Variants in RANGAP1 observed in about 807,000 individuals in gnomAD.
RANGAP1 encodes the protein ran GTPase-activating protein 1.
RANGAP1 carries 38 observed loss-of-function variants against 63.5 expected under a neutral mutation model. The ratio of observed to expected loss-of-function variants is 0.60; its 90% confidence interval spans 0.46 to 0.78. The LOEUF is 0.78. Among genes scored for constraint, RANGAP1 ranks in the 30% least tolerant of loss-of-function variants. The pLI, the probability that RANGAP1 is intolerant of heterozygous loss-of-function variation, is 0.00. For synonymous variants in RANGAP1, 329 were observed against 310.5 expected, an observed-to-expected ratio of 1.06 and a Z score of -0.63; for missense variants, 630 against 740.3, an observed-to-expected ratio of 0.85 and a Z score of 1.73.
At chr22:41,276,657 A>G (rs979240519) in intron 2 of RANGAP1, among the ~76,000 whole-genome samples, 2 of 150,906 alleles carry the variant, frequency 1.3e-5, no homozygotes, top group Non-Finnish European at 2.9e-5. Context: ...AAACAAAACA[A>G]AATGAACTCA....
Position 41,251,075 on chromosome 22 carries a change from G to C in RANGAP1, c.1415C>G (p.Ala472Gly). Reference sequence around the variant, plus strand: ...GAACACAGATGACACCTTTAGGAAGGCAGAGACCACCTTCTCGGGGTCAGA... The same window carrying C: ...GAACACAGATGACACCTTTAGGAAGCCAGAGACCACCTTCTCGGGGTCAGA... ...DTSDPEKVVSAFLKVSSVFKD... is the reference protein window; with the variant it reads ...DTSDPEKVVSGFLKVSSVFKD... Residue 472 changes from alanine to glycine, a missense_variant, in exon 13 of 16, where the codon GCC becomes GGC. By Grantham distance (60) the Ala-to-Gly change is moderately conservative. Around this residue, in one of 3 missense-constraint regions of RANGAP1, gnomAD observed 428 missense variants for 465.5 expected, o/e 0.92. Transcript: ENST00000356244. 6.2e-7 allele frequency: 1 copy of C among 1,614,094 alleles called. No homozygotes were observed. Among genetic ancestry groups the C allele is most frequent in the South Asian group, 1.1e-5 (1 of 91,082 alleles).
chr22:41,268,644 A>G (rs181661144), intron 3 of RANGAP1, among the ~76,000 whole-genome samples: 1 of 152,314 alleles, frequency 6.6e-6, no homozygotes, highest in Admixed American at 6.5e-5. Flanking sequence ...TCAAATCAAG[A>G]GGCCTCCAAG....
chr22:41,270,120 C>A (rs2034714999), intron 3 of RANGAP1, among the ~76,000 whole-genome samples: 1 of 150,618 alleles, frequency 6.6e-6, no homozygotes, highest in Admixed American at 6.6e-5. Context: ...CAGGCGTGAG[C>A]CACCGTGCCC....
At chr22:41,277,966 G>A (rs149720444) in intron 2 of RANGAP1, among the ~76,000 whole-genome samples, 8 of 151,954 alleles carry the variant, frequency 5.3e-5, no homozygotes, top group African/African-American at 1.9e-4. Context: ...CAAAATGGGA[G>A]ACACCACATT....
At chr22:41,297,176 C>T in the RANGAP1 span, among the ~76,000 whole-genome samples, 3 of 152,200 alleles carry the variant, frequency 2.0e-5, no homozygotes, top group African/African-American at 4.8e-5. Flanking sequence ...AGCACCACTA[C>T]ACTCCTGCCT....
At chr22:41,252,454 G>C (rs532588516) in intron 12 of RANGAP1, among the ~76,000 whole-genome samples, 15 of 152,300 alleles carry the variant, frequency 9.8e-5, no homozygotes, top group Admixed American at 5.2e-4. Flanking sequence ...GAATGAATGA[G>C]CCAACCAACA....
upstream of RANGAP1, among the ~76,000 whole-genome samples, chr22:41,290,158 A>AG (rs1397947294): frequency 6.1e-4 from 84 of 138,688 alleles, no homozygotes; most frequent in Middle Eastern, 3.6e-3. Flanking sequence ...AAAAAAAAAA[A>AG]AGAGAGAGAG....
chr22:41,247,148 C>T lies in RANGAP1; in HGVS notation c.1695-476G>A, dbSNP rs377175219. On this transcript the variant is annotated intron_variant, in intron 15 of 15. Transcript: ENST00000356244. ...TCGGCTCACTGCAAGCTCCGCCTCC[C>T]GAGTTCACGCCATTCTCCTGCCTCA... Among the ~76,000 whole-genome samples the T allele has an allele frequency of 9.9e-5, 15 of 152,210 alleles. No homozygotes were observed. The South Asian group carries it at 2.3e-3, about 23-fold the overall frequency.
At chr22:41,267,669 C>A (rs898381450) in intron 4 of RANGAP1, among the ~76,000 whole-genome samples, 1 of 151,988 alleles carries the variant, frequency 6.6e-6, no homozygotes, top group Non-Finnish European at 1.5e-5. Flanking sequence ...GACAGTGGTA[C>A]GGAGAAAGGG....
intron 10 of RANGAP1, among the ~76,000 whole-genome samples, chr22:41,255,333 G>A (rs1160272904): frequency 2.0e-5 from 3 of 152,170 alleles, no homozygotes; most frequent in Non-Finnish European, 4.4e-5. Flanking sequence ...TCTGACACAC[G>A]AATGAGGCCG....
intron 5 of RANGAP1, among the ~76,000 whole-genome samples, chr22:41,262,936 A>T (rs1402029907): frequency 2.6e-5 from 4 of 152,174 alleles, no homozygotes; most frequent in African/African-American, 9.7e-5. Context: ...CACACTGCCC[A>T]GAAGAAAAAG....
intron 4 of RANGAP1, 55 bp from the exon 5 acceptor site, chr22:41,264,898 G>T (rs192014063): frequency 2.6e-6 from 4 of 1,542,998 alleles, no homozygotes; most frequent in Middle Eastern, 3.5e-4. Context: ...TCTGTGCTGG[G>T]TGCTGCTTCT....
chr22:41,285,448 G>C (rs1420184965), intron 1 of RANGAP1: 2 of 944,722 alleles, frequency 2.1e-6, no homozygotes, highest in African/African-American at 3.5e-5. Context: ...AAAAGCAAAG[G>C]GCTAATAGAG....
intron 2 of RANGAP1, among the ~76,000 whole-genome samples, chr22:41,277,320 C>A (rs569295625): frequency 6.6e-6 from 1 of 151,914 alleles, no homozygotes; most frequent in Non-Finnish European, 1.5e-5. Flanking sequence ...CCTCGTGATC[C>A]GCCCGCCTCG....
intron 8 of RANGAP1, among the ~76,000 whole-genome samples, 181 bp downstream of exon 8, chr22:41,256,530 T>G (rs1234684978): frequency 6.6e-6 from 1 of 152,140 alleles, no homozygotes; most frequent in East Asian, 1.9e-4. Context: ...CCTCCCGCTT[T>G]AGAAATGAAG....
the RANGAP1 span, among the ~76,000 whole-genome samples, chr22:41,301,999 G>C: frequency 2.0e-5 from 3 of 152,136 alleles, no homozygotes; most frequent in Admixed American, 6.5e-5. Context: ...GGGGATCCCG[G>C]TCCCCGTGCC....
At chr22:41,262,268 C>A (rs1344049304) in intron 5 of RANGAP1, among the ~76,000 whole-genome samples, 1 of 152,162 alleles carries the variant, frequency 6.6e-6, no homozygotes, top group African/African-American at 2.4e-5. Flanking sequence ...AGGAAAAGCA[C>A]TGAAAAACGG....
intron 12 of RANGAP1, 116 bp downstream of exon 12, chr22:41,252,756 C>A: frequency 8.1e-7 from 1 of 1,232,984 alleles, no homozygotes; most frequent in South Asian, 2.0e-5. Context: ...GGCCAAGCCT[C>A]CCTGCCCCCA....
At chr22:41,274,246 G>A (rs1385286252) in intron 3 of RANGAP1, among the ~76,000 whole-genome samples, 1 of 152,218 alleles carries the variant, frequency 6.6e-6, no homozygotes, top group Non-Finnish European at 1.5e-5. Flanking sequence ...CTCCCAGAGG[G>A]TGGGTCTGTC....
Sources: gnomAD v4.1 joint callset for allele counts (sites outside exome capture counted in the v4.1 genomes callset) on GRCh38, gnomAD v4.1.1 for gene constraint, gnomAD v4.1.1 regional missense constraint, MANE v1.5 for transcripts, NCBI Gene and HGNC (gene_info 2026-07-23, HGNC 2026-07-21) for gene names.